DENND2A: variants seen among roughly 807,000 people sequenced by gnomAD.
DENND2A encodes DENN domain-containing protein 2A.
In DENND2A, 53 loss-of-function variants were observed where a neutral mutation model predicts 105.3. The observed-to-expected ratio is 0.50, with a 90% CI of 0.40 to 0.63. The LOEUF is 0.63. Among genes scored for constraint, DENND2A ranks in the 30% least tolerant of loss-of-function variants. The pLI, the probability that DENND2A is intolerant of heterozygous loss-of-function variation, is 0.00. For missense variants in DENND2A, 1,138 were observed against 1,279.6 expected (o/e 0.89, Z 1.69); for synonymous variants, 522 against 508.4 (o/e 1.03, Z -0.36).
chr7:140,521,304 C>T (rs934096059), intron 18 of DENND2A, among the ~76,000 whole-genome samples: 1 of 151,038 alleles, frequency 6.6e-6, no homozygotes, highest in Non-Finnish European at 1.5e-5. Flanking sequence ...GACGGAGTCT[C>T]ACTCTCTCAA....
In DENND2A at chr7:140,518,447, TA is replaced by T. The variant is rs58426584; in HGVS notation, c.*259del. ...TTTTTCTTACTTTTAATATCTAAGA[TA>T]AAAAAAAAAACCCAACCACCAAAAC... On this transcript the variant is annotated 3_prime_UTR_variant, in exon 20 of 20. Coordinates refer to ENST00000496613, the MANE Select transcript of DENND2A (RefSeq NM_015689.5). 0.16 allele frequency: 57,787 copies of T among 356,552 alleles called. 4,108 individuals are homozygous for T. The highest frequency in any genetic ancestry group is 0.34 in the African/African-American group (15,556 of 46,286). The allele number at this position is 356,552 out of a possible 1,614,324, so 22.1% of individuals were successfully genotyped here.
At chr7:140,564,150 G>C (rs1238019289) in intron 9 of DENND2A, among the ~76,000 whole-genome samples, 4 of 152,178 alleles carry the variant, frequency 2.6e-5, no homozygotes, top group Middle Eastern at 3.4e-3. Context: ...GGGCATGGTG[G>C]TGCATGCCTG....
chr7:140,624,906 T>G (rs115277947), intron 1 of DENND2A, among the ~76,000 whole-genome samples: 2,582 of 149,260 alleles, frequency 0.017, 50 homozygotes, highest in African/African-American at 0.051. Flanking sequence ...CATCTCTCTC[T>G]GTTGCCAAGG....
rs201174441 is a variant in DENND2A, at chr7:140,568,780, G to A, written c.1574C>T (p.Thr525Ile). 5 of 1,614,130 alleles carry A rather than the reference G, an allele frequency of 3.1e-6. No individual in the cohort carries two copies. The Admixed American group carries it at 8.3e-5, about 27-fold the overall frequency. ...CTCCTCACCTTTCAGCTTCTCCTCTGTGTCACTGTCAGACTCACTGTTCTC... is the reference window on the plus strand; with the variant it reads ...CTCCTCACCTTTCAGCTTCTCCTCTATGTCACTGTCAGACTCACTGTTCTC... Reference protein sequence around the residue: ...TDENSESDSDTEEKLKAHSQR... With the variant: ...TDENSESDSDIEEKLKAHSQR... Residue 525 changes from threonine to isoleucine, a missense_variant, in exon 8 of 20, where the codon ACA (threonine) becomes ATA (isoleucine). Coordinates refer to ENST00000496613, the MANE Select transcript of DENND2A (RefSeq NM_015689.5).
At chr7:140,590,692 C>T (rs1798981068) in intron 3 of DENND2A, among the ~76,000 whole-genome samples, 1 of 151,510 alleles carries the variant, frequency 6.6e-6, no homozygotes, top group South Asian at 2.1e-4. Flanking sequence ...AAGTAAGATC[C>T]CATCTCTACA....
chr7:140,556,912 T>C (rs1038272758), intron 11 of DENND2A, among the ~76,000 whole-genome samples: 3 of 152,124 alleles, frequency 2.0e-5, no homozygotes, highest in African/African-American at 7.2e-5. Context: ...AGCAGGATCA[T>C]TGCACTGAAA....
intron 5 of DENND2A, among the ~76,000 whole-genome samples, chr7:140,574,604 T>C (rs1798227434): frequency 6.6e-6 from 1 of 152,150 alleles, no homozygotes. Context: ...CCAAGACACA[T>C]GGACTAGGGG....
intron 9 of DENND2A, among the ~76,000 whole-genome samples, chr7:140,563,971 C>G (rs526070): frequency 0.49 from 74,021 of 151,342 alleles, 19,533 homozygotes; most frequent in African/African-American, 0.69. Context: ...AACAGCAAGA[C>G]AGAGATCCTG....
At chr7:140,588,035 A>G (rs6943180) in intron 3 of DENND2A, among the ~76,000 whole-genome samples, 12,359 of 152,088 alleles carry the variant, frequency 0.081, 1,234 homozygotes, top group African/African-American at 0.25. Context: ...CTCAGCCTCC[A>G]GAGAAGCTGG....
chr7:140,547,602 A>G (rs1242410373), intron 12 of DENND2A, among the ~76,000 whole-genome samples: 1 of 152,234 alleles, frequency 6.6e-6, no homozygotes, highest in Non-Finnish European at 1.5e-5. Flanking sequence ...ACATAGAGTT[A>G]CCATATGACC....
intron 7 of DENND2A, among the ~76,000 whole-genome samples, chr7:140,569,037 G>C (rs991455342): frequency 9.9e-5 from 15 of 151,900 alleles, no homozygotes; most frequent in Non-Finnish European, 1.9e-4. Context: ...TGATTCTCCT[G>C]CCTTAGCCTC....
chr7:140,532,991 CTT>C (rs3042406), intron 14 of DENND2A, among the ~76,000 whole-genome samples: 151 of 120,086 alleles, frequency 1.3e-3, no homozygotes, highest in African/African-American at 3.2e-3. Context: ...AGGCTACCTG[CTT>C]TTTTTTTTTT....
chr7:140,637,125 C>T (rs1284847671), intron 1 of DENND2A, among the ~76,000 whole-genome samples: 1 of 148,872 alleles, frequency 6.7e-6, no homozygotes, highest in Non-Finnish European at 1.5e-5. Flanking sequence ...GTTGGGATTA[C>T]AGGCGTAGGC....
At chr7:140,565,336 G>A (rs868357558) in intron 9 of DENND2A, among the ~76,000 whole-genome samples, 1 of 151,904 alleles carries the variant, frequency 6.6e-6, no homozygotes, top group African/African-American at 2.4e-5. Flanking sequence ...CTTTTCTGGG[G>A]GTGGGGGGAG....
In DENND2A at chr7:140,522,003, G is replaced by A. The variant is rs775655015; in HGVS notation, c.2763C>T (p.Gly921=). 6.2e-6 allele frequency: 10 copies of A among 1,614,176 alleles called. No individual in the cohort carries two copies. The highest frequency in any genetic ancestry group is 1.7e-5 in the Admixed American group (1 of 60,016). ...GCTGCAGGGTTCTCTCCTCACGCTC[G>A]CCCGACGTCAGGAACAAAGAGTAGT... ...VGHYSLFLTS[G]EREERTLQRE... is the part of the protein sequence containing the mutation. Residue 921 remains glycine, a synonymous_variant, in exon 18 of 20, where the codon GGC becomes GGT. Coordinates refer to ENST00000496613, the MANE Select transcript of DENND2A (RefSeq NM_015689.5).
intron 16 of DENND2A, among the ~76,000 whole-genome samples, chr7:140,524,996 C>T (rs1796004699): frequency 6.6e-6 from 1 of 151,322 alleles, no homozygotes; most frequent in South Asian, 2.1e-4. Flanking sequence ...CACTATTCTC[C>T]TGCCTCAGCC....
chr7:140,532,250 CAG>C (rs746807568), intron 14 of DENND2A, among the ~76,000 whole-genome samples: 112 of 152,290 alleles, frequency 7.4e-4, no homozygotes, highest in Non-Finnish European at 1.5e-3. Context: ...GTCTGGGCAA[CAG>C]AGTGAGACTC....
chr7:140,603,386 G>C (rs540441671), intron 2 of DENND2A, among the ~76,000 whole-genome samples: 7 of 152,210 alleles, frequency 4.6e-5, no homozygotes, highest in African/African-American at 1.7e-4. Flanking sequence ...TCTTTGCAAT[G>C]ACTATTTAAA....
At chr7:140,607,318 AAG>A (rs1004185110) in intron 1 of DENND2A, among the ~76,000 whole-genome samples, 9 of 152,158 alleles carry the variant, frequency 5.9e-5, no homozygotes, top group Non-Finnish European at 7.3e-5. Context: ...TCCAGAGAGA[AAG>A]AGAAAAAGAA....
Sources: gnomAD v4.1 joint callset for allele counts (sites outside exome capture counted in the v4.1 genomes callset) on GRCh38, gnomAD v4.1.1 for gene constraint, MANE v1.5 for transcripts, NCBI Gene and HGNC (gene_info 2026-07-23, HGNC 2026-07-21) for gene names.